The following ISCA1 variants were observed in gnomAD, a reference collection of about 807,000 sequenced individuals.
The protein encoded by ISCA1 is iron-sulfur cluster assembly 1.
ISCA1 carries 9 observed loss-of-function variants against 14.7 expected under a neutral mutation model. That is an observed-to-expected ratio of 0.61 (90% CI 0.37 to 1.07). The LOEUF is 1.07. ISCA1 is among the 50% of genes least tolerant of loss of function. The pLI is 0.01. For synonymous variants in ISCA1, 38 were observed against 54.3 expected, an observed-to-expected ratio of 0.70 and a Z score of 1.32; for missense variants, 102 against 150.1, an observed-to-expected ratio of 0.68 and a Z score of 1.67.
intron 1 of ISCA1, among the ~76,000 whole-genome samples, chr9:86,276,426 T>C (rs1435708285): frequency 6.6e-6 from 1 of 152,200 alleles, no homozygotes; most frequent in East Asian, 1.9e-4. Flanking sequence ...TAAGTGATTG[T>C]CAATAAAAGC....
chr9:86,274,277 C>G, intron 1 of ISCA1, 35 bp from the exon 2 acceptor site: 1 of 1,408,326 alleles, frequency 7.1e-7, no homozygotes, highest in Non-Finnish European at 1.0e-6. Flanking sequence ...AGCTACAAAA[C>G]TTGTTATTCA....
intron 2 of ISCA1, among the ~76,000 whole-genome samples, 167 bp downstream of exon 2, chr9:86,274,020 CTT>C (rs1401559419): frequency 6.6e-6 from 1 of 152,136 alleles, no homozygotes; most frequent in Non-Finnish European, 1.5e-5. Flanking sequence ...GAATGACTTC[CTT>C]TTAGTTAAAT....
chr9:86,270,703 A>G (rs1825358167), intron 3 of ISCA1, among the ~76,000 whole-genome samples: 1 of 151,874 alleles, frequency 6.6e-6, no homozygotes, highest in Admixed American at 6.6e-5. Context: ...CAAATGTCCA[A>G]CAGTGATAGA....
chr9:86,271,272 C>T (rs1489161738), intron 3 of ISCA1, among the ~76,000 whole-genome samples: 1 of 152,088 alleles, frequency 6.6e-6, no homozygotes, highest in African/African-American at 2.4e-5. Flanking sequence ...GTAGGCTCTA[C>T]CATCTAGGTT....
At chr9:86,273,515 T>C (rs1331875656) in intron 2 of ISCA1, among the ~76,000 whole-genome samples, 2 of 152,094 alleles carry the variant, frequency 1.3e-5, no homozygotes, top group Non-Finnish European at 2.9e-5. Flanking sequence ...ATACTCTACA[T>C]GCAGCCAAGA....
chr9:86,264,786 T>C lies in ISCA1; in HGVS notation c.*1257A>G, dbSNP rs1825275104. ...TGAGAATCAGCTTTCAAAAAAAGCA[T>C]ATATATCATCTCATAGAATACTTAT... is the stretch of plus-strand genomic sequence containing the variant. On this transcript the variant is annotated 3_prime_UTR_variant, in exon 4 of 4. Coordinates refer to ENST00000375991, the MANE Select transcript of ISCA1 (RefSeq NM_030940.4). 1.3e-5 allele frequency: 2 copies of C among 152,244 alleles called. No individual in the cohort carries two copies. The highest frequency in any genetic ancestry group is 2.4e-5 in the African/African-American group (1 of 41,446). 9.4% of individuals were successfully genotyped at this position (152,244 alleles called of 1,614,324 possible).
chr9:86,274,261 G>A lies in ISCA1; in HGVS notation c.82-19C>T, dbSNP rs374536309. The A allele has an allele frequency of 1.2e-5, 19 of 1,526,478 alleles. No homozygotes were observed. The highest frequency in any genetic ancestry group is 1.6e-5 in the Non-Finnish European group (18 of 1,102,072). The allele number at this position is 1,526,478 out of a possible 1,614,324, so 94.6% of individuals were successfully genotyped here. On this transcript the variant is annotated intron_variant, in intron 1 of 3. Transcript: ENST00000375991. ...AAGGTGTCTGAAAAAAGAAAATGATGTTTTTAGCTACAAAACTTGTTATTC... is the reference window on the plus strand; with the variant it reads ...AAGGTGTCTGAAAAAAGAAAATGATATTTTTAGCTACAAAACTTGTTATTC...
intron 1 of ISCA1, among the ~76,000 whole-genome samples, chr9:86,277,618 C>G (rs1014238039): frequency 1.3e-5 from 2 of 152,188 alleles, no homozygotes; most frequent in Admixed American, 6.5e-5. Context: ...ATAAAATCTT[C>G]AACTACACAG....
chr9:86,270,546 G>A (rs1403608928), intron 3 of ISCA1, among the ~76,000 whole-genome samples: 2 of 150,902 alleles, frequency 1.3e-5, no homozygotes, highest in African/African-American at 4.9e-5. Context: ...GATTCCTCAG[G>A]GATCTAGAAC....
At chr9:86,269,353 G>T (rs996952121) in intron 3 of ISCA1, among the ~76,000 whole-genome samples, 28 of 152,104 alleles carry the variant, frequency 1.8e-4, no homozygotes, top group Admixed American at 1.8e-3. Context: ...GCTTCAAAGA[G>T]AATAAAATAC....
chr9:86,275,594 G>T lies in ISCA1; in HGVS notation c.82-1352C>A, dbSNP rs142210005. Reference sequence around the variant, plus strand: ...TTAAACATTTTAAATAGAAAACAATGCACTGCACTTAAAAACGTGAATGTT... The same window carrying T: ...TTAAACATTTTAAATAGAAAACAATTCACTGCACTTAAAAACGTGAATGTT... On this transcript the variant is annotated intron_variant, in intron 1 of 3. Transcript: ENST00000375991. Among the ~76,000 whole-genome samples, 564 of 152,300 alleles carry T rather than the reference G, an allele frequency of 3.7e-3. 2 individuals are homozygous for T. The highest frequency in any genetic ancestry group is 0.01 in the Middle Eastern group (3 of 294).
intron 1 of ISCA1, among the ~76,000 whole-genome samples, chr9:86,280,805 G>A (rs185081120): frequency 6.6e-6 from 1 of 152,134 alleles, no homozygotes; most frequent in East Asian, 1.9e-4. Context: ...GTGCACACCG[G>A]TGGTCCCAGC....
At chr9:86,269,673 G>A (rs918481155) in intron 3 of ISCA1, among the ~76,000 whole-genome samples, 6 of 151,524 alleles carry the variant, frequency 4.0e-5, no homozygotes, top group Non-Finnish European at 7.4e-5. Context: ...GAGGCATCAC[G>A]CTACTTGACT....
chr9:86,282,023 A>T, intron 1 of ISCA1: 1 of 234,124 alleles, frequency 4.3e-6, no homozygotes, highest in Non-Finnish European at 8.4e-6. Context: ...GGGCACGTTC[A>T]GCCTCTGCTT....
chr9:86,268,841 T>C (rs558046619), intron 3 of ISCA1, among the ~76,000 whole-genome samples: 76 of 152,222 alleles, frequency 5.0e-4, no homozygotes, highest in African/African-American at 1.6e-3. Flanking sequence ...TTCACCCAGG[T>C]TGGAGTGCAA....
At chr9:86,272,233 A>G in intron 2 of ISCA1, 121 bp from the exon 3 acceptor site, 2 of 693,982 alleles carry the variant, frequency 2.9e-6, no homozygotes, top group South Asian at 3.3e-5. Context: ...TTTGTAGGAC[A>G]GGGTCTCACT....
At chr9:86,282,309 G>A (rs1194272312) in intron 1 of ISCA1, 69 bp downstream of exon 1, 5 of 1,482,402 alleles carry the variant, frequency 3.4e-6, no homozygotes, top group African/African-American at 2.8e-5. Flanking sequence ...CCCGGCCGCC[G>A]TGACCTCCCC....
At position 86,281,957 on chromosome 9, in the gene ISCA1, C is replaced by T. The variant is rs375356944; in HGVS notation, c.81+421G>A. On this transcript the variant is annotated intron_variant, in intron 1 of 3. Coordinates refer to ENST00000375991, the MANE Select transcript of ISCA1 (RefSeq NM_030940.4). ...TCCTTCGGACAGCCTGGTCCCTCCC[C>T]ACCCCACGCACCTCCAGGCTAGGAC... The T allele has an allele frequency of 8.6e-5, 15 of 173,990 alleles. No homozygotes were observed. In the South Asian group the frequency reaches 1.9e-3, roughly 23 times the overall value. 10.8% of individuals were successfully genotyped at this position (173,990 alleles called of 1,614,324 possible). A position where few individuals can be genotyped will look rare whatever the true frequency, so the allele number is the denominator to read the frequency against.
At chr9:86,277,578 T>C (rs569955576) in intron 1 of ISCA1, among the ~76,000 whole-genome samples, 16 of 152,328 alleles carry the variant, frequency 1.1e-4, no homozygotes, top group Non-Finnish European at 2.1e-4. Context: ...GGCAACTTTG[T>C]GCTTAGGTAA....
Sources: gnomAD v4.1 joint callset for allele counts (sites outside exome capture counted in the v4.1 genomes callset) on GRCh38, gnomAD v4.1.1 for gene constraint, MANE v1.5 for transcripts, NCBI Gene and HGNC (gene_info 2026-07-23, HGNC 2026-07-21) for gene names.